HAT1: variants seen among roughly 807,000 people sequenced by gnomAD.
HAT1 encodes the protein histone acetyltransferase 1, also known as histone acetyltransferase type B catalytic subunit.
HAT1 carries 20 observed loss-of-function variants against 56.6 expected under a neutral mutation model. The observed-to-expected ratio is 0.35, with a 90% CI of 0.25 to 0.51. HAT1 has a LOEUF of 0.51. Among genes scored for constraint, HAT1 ranks in the 20% least tolerant of loss-of-function variants. The pLI is 0.95. For synonymous variants in HAT1, 146 were observed against 165.5 expected (o/e 0.88, Z 0.91); for missense variants, 408 against 504.3 (o/e 0.81, Z 1.83).
At chr2:171,974,207 G>GA (rs202160940) in intron 8 of HAT1, among the ~76,000 whole-genome samples, 31 of 71,100 alleles carry the variant, frequency 4.4e-4, no homozygotes, top group Middle Eastern at 9.1e-3. Flanking sequence ...AAAAGAAAAA[G>GA]AAAAAAAAAA....
intron 2 of HAT1, among the ~76,000 whole-genome samples, chr2:171,930,308 A>G (rs1686708470): frequency 6.6e-6 from 1 of 151,900 alleles, no homozygotes; most frequent in African/African-American, 2.4e-5. Context: ...AGTAGCTGGG[A>G]CTCCGCATAC....
intron 9 of HAT1, among the ~76,000 whole-genome samples, chr2:171,977,202 C>G (rs1321317377): frequency 8.6e-6 from 1 of 115,702 alleles, no homozygotes; most frequent in African/African-American, 3.3e-5. Context: ...GTAGGCCGGG[C>G]GAGGTGGCTC....
Position 171,965,514 on chromosome 2 carries a change from T to TCTGA in HAT1, c.486_487insCTGA (p.Lys163LeufsTer4). The TCTGA allele has an allele frequency of 6.5e-7, 1 of 1,532,962 alleles. No individual in the cohort carries two copies. The highest frequency in any genetic ancestry group is 8.9e-7 in the Non-Finnish European group (1 of 1,119,674). The allele number at this position is 1,532,962 out of a possible 1,614,324, so 95.0% of individuals were successfully genotyped here. On this transcript the variant is annotated frameshift_variant, in exon 5 of 11. Transcript: ENST00000264108. LOFTEE classifies it high-confidence loss of function. Reference sequence around the variant, plus strand: ...GAGAAAACTTTACCTTTCAGATATATAAGGTAAAGATAAATCTAAATATTT... The same window carrying TCTGA: ...GAGAAAACTTTACCTTTCAGATATATCTGAAAGGTAAAGATAAATCTAAATATTT...
chr2:171,961,631 G>C (rs1257449625), intron 4 of HAT1, among the ~76,000 whole-genome samples: 1 of 152,142 alleles, frequency 6.6e-6, no homozygotes, highest in East Asian at 1.9e-4. Context: ...TTCAAATTGT[G>C]ATGGTGTTCT....
intron 4 of HAT1, among the ~76,000 whole-genome samples, chr2:171,956,344 A>G (rs1213376759): frequency 6.6e-6 from 1 of 151,912 alleles, no homozygotes; most frequent in African/African-American, 2.4e-5. Context: ...GCATGCACAC[A>G]CACACACGCT....
intron 8 of HAT1, among the ~76,000 whole-genome samples, chr2:171,971,869 G>C (rs973979803): frequency 6.6e-6 from 1 of 152,208 alleles, no homozygotes; most frequent in Admixed American, 6.5e-5. Flanking sequence ...GGCCAGGCAG[G>C]TGGGAATGGG....
At chr2:171,944,143 CAAAA>C (rs36067235) in intron 2 of HAT1, among the ~76,000 whole-genome samples, 2 of 138,090 alleles carry the variant, frequency 1.4e-5, no homozygotes, top group Non-Finnish European at 3.1e-5. Context: ...AACCCTGTCT[CAAAA>C]AAAAAAAAAA....
intron 4 of HAT1, among the ~76,000 whole-genome samples, chr2:171,959,490 T>G (rs1398682616): frequency 1.3e-5 from 2 of 152,238 alleles, no homozygotes. Flanking sequence ...GAAAATTAGG[T>G]TTTTCCATTT....
chr2:171,941,202 GT>G (rs1374256411), intron 2 of HAT1, among the ~76,000 whole-genome samples: 3 of 151,672 alleles, frequency 2.0e-5, no homozygotes, highest in East Asian at 3.9e-4. Flanking sequence ...TAGGGTTGGT[GT>G]TTTTTTTGTT....
intron 2 of HAT1, among the ~76,000 whole-genome samples, chr2:171,932,471 C>T (rs1366398873): frequency 1.3e-5 from 2 of 152,100 alleles, no homozygotes; most frequent in African/African-American, 2.4e-5. Context: ...TCTTCTGTTT[C>T]TTCTTGTGTC....
At chr2:171,951,397 T>TCCC (rs1687303649) in intron 3 of HAT1, among the ~76,000 whole-genome samples, 1 of 152,114 alleles carries the variant, frequency 6.6e-6, no homozygotes, top group Non-Finnish European at 1.5e-5. Flanking sequence ...TCTTAGTAGA[T>TCCC]AAGATCTAGT....
chr2:171,929,876 T>C (rs1686694394), intron 2 of HAT1, among the ~76,000 whole-genome samples: 1 of 152,226 alleles, frequency 6.6e-6, no homozygotes. Context: ...CACATCTTTA[T>C]TTTTTAAAGA....
At chr2:171,960,908 G>T (rs894456554) in intron 4 of HAT1, among the ~76,000 whole-genome samples, 2 of 151,966 alleles carry the variant, frequency 1.3e-5, no homozygotes, top group African/African-American at 2.4e-5. Flanking sequence ...TTGGGAGGCC[G>T]AGGTGGACAG....
At chr2:171,940,926 G>A (rs960709414) in intron 2 of HAT1, among the ~76,000 whole-genome samples, 2 of 152,100 alleles carry the variant, frequency 1.3e-5, no homozygotes, top group African/African-American at 4.8e-5. Flanking sequence ...AGTGATATTT[G>A]TTTTTCACTC....
At chr2:171,928,803 C>T (rs373461568) in intron 2 of HAT1, among the ~76,000 whole-genome samples, 16 of 152,260 alleles carry the variant, frequency 1.1e-4, no homozygotes, top group East Asian at 7.7e-4. Context: ...CCACCGTGCC[C>T]GGCAGTTCAT....
At chr2:171,980,059 G>C (rs992344501) in intron 10 of HAT1, 1 of 152,246 alleles carries the variant, frequency 6.6e-6, no homozygotes, top group Non-Finnish European at 1.5e-5. Context: ...GGAGGTTGCA[G>C]TGAGCTGAGA....
At chr2:171,934,238 A>C (rs1034057678) in intron 2 of HAT1, among the ~76,000 whole-genome samples, 3 of 152,242 alleles carry the variant, frequency 2.0e-5, no homozygotes, top group Non-Finnish European at 2.9e-5. Context: ...GCATGTTTAT[A>C]TGCTGATGCC....
intron 2 of HAT1, among the ~76,000 whole-genome samples, chr2:171,946,425 A>C (rs1228678325): frequency 6.6e-6 from 1 of 152,238 alleles, no homozygotes; most frequent in African/African-American, 2.4e-5. Context: ...AACATGGAAA[A>C]ATAAAAACTA....
chr2:171,963,943 G>A (rs751434054), intron 4 of HAT1, among the ~76,000 whole-genome samples: 6 of 152,166 alleles, frequency 3.9e-5, no homozygotes, highest in Non-Finnish European at 8.8e-5. Context: ...GCAAAATGCT[G>A]AAGAGCTATA....
Sources: gnomAD v4.1 joint callset for allele counts (sites outside exome capture counted in the v4.1 genomes callset) on GRCh38, gnomAD v4.1.1 for gene constraint, MANE v1.5 for transcripts, NCBI Gene and HGNC (gene_info 2026-07-23, HGNC 2026-07-21) for gene names.